UST: variants seen among roughly 807,000 people sequenced by gnomAD.
UST encodes the protein uronyl 2-sulfotransferase, also known as chondroitin sulfate 2-O-sulfotransferase.
UST carries 21 observed loss-of-function variants against 45.6 expected under a neutral mutation model. That is an observed-to-expected ratio of 0.46 (90% CI 0.33 to 0.66). UST has a LOEUF of 0.66. Ranked by LOEUF, UST falls within the 30% of genes least tolerant of loss-of-function variation. The pLI, the probability that UST is intolerant of heterozygous loss-of-function variation, is 0.02. For missense variants in UST, 463 were observed against 512.4 expected (o/e 0.90, Z 0.93); for synonymous variants, 215 against 200.6 (o/e 1.07, Z -0.61).
chr6:148,831,592 G>T (rs1777688293), intron 1 of UST, among the ~76,000 whole-genome samples: 1 of 152,176 alleles, frequency 6.6e-6, no homozygotes, highest in Admixed American at 6.5e-5. Flanking sequence ...AATCCTAACA[G>T]TAACCCTCAG....
At chr6:148,843,297 T>C (rs1481924633) in intron 1 of UST, among the ~76,000 whole-genome samples, 1 of 152,202 alleles carries the variant, frequency 6.6e-6, no homozygotes, top group African/African-American at 2.4e-5. Flanking sequence ...TCAGAAGATA[T>C]TGGTCCTTAC....
chr6:148,822,549 T>G (rs533637250), intron 1 of UST, among the ~76,000 whole-genome samples: 121 of 152,242 alleles, frequency 7.9e-4, no homozygotes, highest in Non-Finnish European at 1.5e-3. Context: ...AGAGAGAGAA[T>G]ATAGTATTCT....
intron 2 of UST, among the ~76,000 whole-genome samples, chr6:148,920,311 G>A (rs1185948557): frequency 6.8e-6 from 1 of 146,866 alleles, no homozygotes; most frequent in Non-Finnish European, 1.5e-5. Flanking sequence ...TGAGCCTCTT[G>A]GTCCTAATTG....
chr6:149,064,466 C>CTGATGA (rs1032801880), intron 7 of UST, among the ~76,000 whole-genome samples: 2 of 152,126 alleles, frequency 1.3e-5, no homozygotes, highest in Non-Finnish European at 2.9e-5. Context: ...AAAGTGCCAA[C>CTGATGA]TGATGATGAT....
intron 2 of UST, among the ~76,000 whole-genome samples, chr6:148,904,531 G>A (rs1420543883): frequency 3.3e-5 from 5 of 151,894 alleles, no homozygotes; most frequent in African/African-American, 1.2e-4. Context: ...ATTTAGTAAT[G>A]CTTTTCTTTT....
Position 148,747,371 on chromosome 6 carries a change from G to C in UST, c.-60G>C. The C allele has an allele frequency of 7.4e-7, 1 of 1,356,758 alleles. No individual in the cohort carries two copies. The highest frequency in any genetic ancestry group is 9.5e-7 in the Non-Finnish European group (1 of 1,049,110). 84.0% of individuals were successfully genotyped at this position (1,356,758 alleles called of 1,614,324 possible). On this transcript the variant is annotated 5_prime_UTR_variant, in exon 1 of 8. Transcript: ENST00000367463. ...GCCGGCCAGCCGGGCTCTCCTCCTCGCGGCGGATGGGTGACCTTTTCCTGG... is the reference window on the plus strand; with the variant it reads ...GCCGGCCAGCCGGGCTCTCCTCCTCCCGGCGGATGGGTGACCTTTTCCTGG...
intron 1 of UST, among the ~76,000 whole-genome samples, chr6:148,870,435 A>C (rs1218392301): frequency 6.6e-6 from 1 of 152,142 alleles, no homozygotes; most frequent in Non-Finnish European, 1.5e-5. Context: ...CTTTTGAATG[A>C]GACTACCTCT....
intron 4 of UST, among the ~76,000 whole-genome samples, chr6:148,963,300 G>T (rs1364195433): frequency 6.6e-6 from 1 of 152,194 alleles, no homozygotes; most frequent in East Asian, 1.9e-4. Flanking sequence ...TTCCTCAGAA[G>T]GTCACGAGGC....
intron 7 of UST, among the ~76,000 whole-genome samples, chr6:149,023,204 G>A (rs7774887): frequency 0.66 from 99,633 of 150,938 alleles, 33,164 homozygotes; most frequent in African/African-American, 0.7. Flanking sequence ...GAGATAAAGG[G>A]CAAACTAAAT....
chr6:148,829,029 A>G (rs903468455), intron 1 of UST, among the ~76,000 whole-genome samples: 1 of 152,196 alleles, frequency 6.6e-6, no homozygotes, highest in Non-Finnish European at 1.5e-5. Flanking sequence ...CCAGAAACAC[A>G]ATGGCACCAA....
At chr6:148,930,249 T>C (rs1289062734) in intron 2 of UST, among the ~76,000 whole-genome samples, 1 of 152,220 alleles carries the variant, frequency 6.6e-6, no homozygotes, top group African/African-American at 2.4e-5. Flanking sequence ...GATTGTGAGT[T>C]CTTACAGGGC....
chr6:149,025,972 C>T (rs572976821), intron 7 of UST, among the ~76,000 whole-genome samples: 1 of 152,106 alleles, frequency 6.6e-6, no homozygotes, highest in Admixed American at 6.5e-5. Context: ...CATAGTGAAA[C>T]CCCATCTCTA....
intron 1 of UST, among the ~76,000 whole-genome samples, chr6:148,837,620 C>A (rs188736155): frequency 6.6e-6 from 1 of 152,112 alleles, no homozygotes; most frequent in African/African-American, 2.4e-5. Flanking sequence ...TTATTAAATG[C>A]CTACCAAGTA....
chr6:148,864,308 G>A (rs1347927383), intron 1 of UST, among the ~76,000 whole-genome samples: 1 of 152,220 alleles, frequency 6.6e-6, no homozygotes, highest in East Asian at 1.9e-4. Flanking sequence ...CGAGCCAGGC[G>A]TGGGATGTAA....
At chr6:149,065,762 G>A (rs1408623232) in intron 7 of UST, among the ~76,000 whole-genome samples, 1 of 152,170 alleles carries the variant, frequency 6.6e-6, no homozygotes, top group East Asian at 1.9e-4. Flanking sequence ...CATCAATATT[G>A]GTTGAATCTG....
chr6:149,071,068 TTTAG>T (rs1428205548), intron 7 of UST, among the ~76,000 whole-genome samples: 1 of 152,124 alleles, frequency 6.6e-6, no homozygotes, highest in African/African-American at 2.4e-5. Context: ...ACCCGGCTCT[TTTAG>T]TTATTTTTAA....
intron 1 of UST, among the ~76,000 whole-genome samples, chr6:148,850,559 G>A (rs1281439726): frequency 6.6e-6 from 1 of 152,166 alleles, no homozygotes; most frequent in Admixed American, 6.5e-5. Flanking sequence ...GGCAATAGTG[G>A]CCTCATTATG....
chr6:148,959,589 G>A (rs1562313203), intron 4 of UST, among the ~76,000 whole-genome samples: 1 of 152,076 alleles, frequency 6.6e-6, no homozygotes, highest in Non-Finnish European at 1.5e-5. Flanking sequence ...GCCGCTGCAT[G>A]GGCCACCAGC....
intron 7 of UST, among the ~76,000 whole-genome samples, chr6:149,050,887 G>A (rs1776474006): frequency 6.6e-6 from 1 of 152,166 alleles, no homozygotes; most frequent in South Asian, 2.1e-4. Context: ...GACTATTTTA[G>A]CATCTCTTCC....
Sources: gnomAD v4.1 joint callset for allele counts (sites outside exome capture counted in the v4.1 genomes callset) on GRCh38, gnomAD v4.1.1 for gene constraint, MANE v1.5 for transcripts, NCBI Gene and HGNC (gene_info 2026-07-23, HGNC 2026-07-21) for gene names.